ACSL6: variants seen among roughly 807,000 people sequenced by gnomAD.
ACSL6 encodes long-chain-fatty-acid--CoA ligase 6.
In ACSL6, 47 loss-of-function variants were observed where a neutral mutation model predicts 98.2. The ratio of observed to expected loss-of-function variants is 0.48; its 90% confidence interval spans 0.38 to 0.61. ACSL6 has a LOEUF of 0.61. ACSL6 is among the 20% of genes least tolerant of loss of function. ACSL6 has a pLI of 0.00. For synonymous variants in ACSL6, 362 were observed against 336.9 expected (o/e 1.07, Z -0.82); for missense variants, 761 against 913.4 (o/e 0.83, Z 2.15).
At chr5:131,959,474 GTT>G in intron 20 of ACSL6, 60 bp downstream of exon 20, 2 of 1,549,932 alleles carry the variant, frequency 1.3e-6, no homozygotes, top group Non-Finnish European at 1.8e-6. Context: ...GTCACCATGG[GTT>G]AATTTAATTT....
Position 131,968,140 on chromosome 5 carries a change from G to T in ACSL6, c.1508-112C>A, listed in dbSNP as rs1753119717. ...TGGCCAAAGTGGGGAATTATGGATG[G>T]AAAGTAACACATCTTTAAAGGGGCA... On this transcript the variant is annotated intron_variant, in intron 15 of 20. Transcript: ENST00000651883. 1.1e-5 allele frequency: 9 copies of T among 820,386 alleles called. No individual in the cohort carries two copies. The East Asian group carries it at 2.3e-4, about 21-fold the overall frequency. 50.8% of individuals were successfully genotyped at this position (820,386 alleles called of 1,614,324 possible).
intron 9 of ACSL6, among the ~76,000 whole-genome samples, chr5:131,977,247 G>A (rs1753671088): frequency 6.6e-6 from 1 of 152,206 alleles, no homozygotes; most frequent in Admixed American, 6.5e-5. Flanking sequence ...CTCCTTGGCA[G>A]AAATGGGACA....
intron 4 of ACSL6, 52 bp from the exon 5 acceptor site, chr5:131,989,560 G>A (rs1253272225): frequency 1.0e-6 from 1 of 999,832 alleles, no homozygotes; most frequent in South Asian, 1.4e-5. Context: ...TTCAACAGGG[G>A]AAGGAGATCC....
At chr5:131,977,853 C>A (rs966081055) in intron 9 of ACSL6, among the ~76,000 whole-genome samples, 1 of 152,020 alleles carries the variant, frequency 6.6e-6, no homozygotes, top group Non-Finnish European at 1.5e-5. Context: ...AAATTTGCCT[C>A]AATGAGGGGG....
chr5:131,962,810 T>C, intron 17 of ACSL6, 132 bp from the exon 18 acceptor site: 1 of 1,071,354 alleles, frequency 9.3e-7, no homozygotes, highest in South Asian at 1.6e-5. Context: ...ATCTGTTGTG[T>C]CTGCTCTTAG....
At chr5:131,963,013 C>T (rs925596126) in intron 17 of ACSL6, among the ~76,000 whole-genome samples, 1 of 152,200 alleles carries the variant, frequency 6.6e-6, no homozygotes, top group South Asian at 2.1e-4. Flanking sequence ...ACCGCCCTTC[C>T]ATCAGGGCAC....
rs902120173 is a variant in ACSL6, at chr5:131,971,453, TC to T, written c.1434+96del. ...GAGCTTTTGTCTCACAAAAATCTTG[TC>T]CCCCGGTTCTTTCTCTGAGCAGTAG... On this transcript the variant is annotated intron_variant, in intron 14 of 20. Coordinates refer to ENST00000651883, the MANE Select transcript of ACSL6 (RefSeq NM_001009185.3). 6.0e-5 allele frequency: 61 copies of T among 1,012,918 alleles called. No individual in the cohort carries two copies. The African/African-American group carries it at 9.4e-4, about 16-fold the overall frequency. 62.7% of individuals were successfully genotyped at this position (1,012,918 alleles called of 1,614,324 possible).
At position 131,953,203 on chromosome 5, in the gene ACSL6, G is replaced by A. The variant is rs1320044327; in HGVS notation, c.*1031C>T. The A allele has an allele frequency of 1.0e-5, 2 of 194,012 alleles. No individual in the cohort carries two copies. The highest frequency in any genetic ancestry group is 4.6e-5 in the African/African-American group (2 of 43,126). The allele number at this position is 194,012 out of a possible 1,614,324, so 12.0% of individuals were successfully genotyped here. Reference sequence around the variant, plus strand: ...AACATACACACACTATCCTTGAATAGTTTTACATTATATTTTTTCTAGGTA... The same window carrying A: ...AACATACACACACTATCCTTGAATAATTTTACATTATATTTTTTCTAGGTA... On this transcript the variant is annotated 3_prime_UTR_variant, in exon 21 of 21. Transcript: ENST00000651883.
intron 5 of ACSL6, 54 bp downstream of exon 5, chr5:131,989,353 C>T: frequency 1.3e-6 from 2 of 1,533,988 alleles, no homozygotes; most frequent in South Asian, 1.1e-5. Flanking sequence ...TATTCCATGG[C>T]AGCCAACCCC....
At chr5:132,006,830 C>T (rs934316702) in intron 1 of ACSL6, 2 of 152,188 alleles carry the variant, frequency 1.3e-5, no homozygotes, top group East Asian at 1.9e-4. Context: ...ACACAGGGTT[C>T]TCCAGTGAAG....
At chr5:132,005,542 C>T (rs146085452) in intron 1 of ACSL6, among the ~76,000 whole-genome samples, 116 of 152,356 alleles carry the variant, frequency 7.6e-4, no homozygotes, top group South Asian at 6.0e-3. Context: ...TGCTGTGTAG[C>T]CTCTAGCTGC....
In ACSL6 at chr5:131,988,228, T is replaced by G; in HGVS notation, c.653-2A>C. 1 of 1,613,868 alleles carries G rather than the reference T, an allele frequency of 6.2e-7. No individual in the cohort carries two copies. The highest frequency in any genetic ancestry group is 8.5e-7 in the Non-Finnish European group (1 of 1,179,818). On this transcript the variant is annotated splice_acceptor_variant, in intron 6 of 20. Coordinates refer to ENST00000651883, the MANE Select transcript of ACSL6 (RefSeq NM_001009185.3). LOFTEE classifies it high-confidence loss of function. ...CCACAATCACGGTGCTGATGTCCGCTGCAGGGGGCCATCAAGGAGAGTCAG... is the reference window on the plus strand; with the variant it reads ...CCACAATCACGGTGCTGATGTCCGCGGCAGGGGGCCATCAAGGAGAGTCAG...
chr5:131,986,877 T>C (rs1278041371), intron 7 of ACSL6, 23 bp from the exon 8 acceptor site: 1 of 1,614,006 alleles, frequency 6.2e-7, no homozygotes, highest in East Asian at 2.2e-5. Context: ...AATGCTGTTT[T>C]TAAATGCTCA....
At chr5:131,970,737 A>C (rs990519017) in intron 14 of ACSL6, among the ~76,000 whole-genome samples, 1 of 152,296 alleles carries the variant, frequency 6.6e-6, no homozygotes, top group South Asian at 2.1e-4. Context: ...AAGGTTATAT[A>C]GTTTAGGGTA....
chr5:132,007,611 C>T (rs1755485946), intron 1 of ACSL6, among the ~76,000 whole-genome samples: 1 of 152,194 alleles, frequency 6.6e-6, no homozygotes. Flanking sequence ...GAGAACACAA[C>T]ACAGTGTTGT....
intron 20 of ACSL6, among the ~76,000 whole-genome samples, chr5:131,956,519 A>G (rs1580619073): frequency 6.6e-6 from 1 of 152,188 alleles, no homozygotes; most frequent in African/African-American, 2.4e-5. Flanking sequence ...CACTGCTGCT[A>G]GGCTGCCAGT....
intron 12 of ACSL6, 143 bp downstream of exon 12, chr5:131,973,121 GAA>G (rs1296236339): frequency 1.7e-6 from 2 of 1,182,580 alleles, no homozygotes; most frequent in Non-Finnish European, 2.3e-6. Context: ...GGAAGAATGA[GAA>G]AGAGTCAGGA....
intron 1 of ACSL6, among the ~76,000 whole-genome samples, chr5:131,996,647 ACT>A (rs1488277165): frequency 3.3e-5 from 5 of 152,116 alleles, no homozygotes; most frequent in Admixed American, 2.6e-4. Context: ...ATGCTCACAG[ACT>A]CTGAGCTTTG....
chr5:131,995,888 A>T lies in ACSL6; in HGVS notation c.50-1637T>A, dbSNP rs61194563. Among the ~76,000 whole-genome samples, 888 of 152,364 alleles carry T rather than the reference A, an allele frequency of 5.8e-3. 21 individuals carry two copies. In the East Asian group the frequency reaches 0.08, roughly 14 times the overall value. On this transcript the variant is annotated intron_variant, in intron 1 of 20. Transcript: ENST00000651883. The stretch of plus-strand genomic sequence containing the variant: ...AAGCCCCTTGCACTGCATCTGGCAT[A>T]TTCAGAGGACTAAAGAGATGGTTAA...
Sources: allele counts gnomAD v4.1 joint callset (sites outside exome capture counted in the v4.1 genomes callset), GRCh38; gene constraint gnomAD v4.1.1; transcripts MANE v1.5; gene names NCBI Gene and HGNC (gene_info 2026-07-23, HGNC 2026-07-21).